RGS7: variants seen among roughly 807,000 people sequenced by gnomAD.
RGS7 encodes regulator of G-protein signaling 7.
Under a neutral mutation model 81.1 loss-of-function variants are expected in RGS7, and 27 were observed. That is an observed-to-expected ratio of 0.33 (90% confidence interval 0.25 to 0.46). The LOEUF is 0.46. RGS7 is among the 20% of genes least tolerant of loss of function. The pLI, the probability that RGS7 is intolerant of heterozygous loss-of-function variation, is 1.00. For synonymous variants in RGS7, 208 were observed against 207.7 expected (o/e 1.00, Z -0.01); for missense variants, 396 against 607.4 (o/e 0.65, Z 3.66).
chr1:241,108,046 G>T (rs1035284071), intron 2 of RGS7, among the ~76,000 whole-genome samples: 5 of 152,140 alleles, frequency 3.3e-5, no homozygotes, highest in Admixed American at 2.6e-4. Flanking sequence ...TGTAATCCCA[G>T]CACTTTGGGA....
At chr1:240,849,869 GC>G (rs1356805894) in intron 9 of RGS7, among the ~76,000 whole-genome samples, 1 of 152,138 alleles carries the variant, frequency 6.6e-6, no homozygotes, top group Non-Finnish European at 1.5e-5. Context: ...TTCCTTTATA[GC>G]AATGCAAGAA....
intron 2 of RGS7, among the ~76,000 whole-genome samples, chr1:241,129,171 A>C (rs915947475): frequency 1.8e-4 from 28 of 151,868 alleles, no homozygotes; most frequent in African/African-American, 6.8e-4. Flanking sequence ...TAACACTGAA[A>C]TTCACCATAA....
chr1:241,029,491 C>A (rs1170729063), intron 3 of RGS7, among the ~76,000 whole-genome samples: 1 of 152,138 alleles, frequency 6.6e-6, no homozygotes, highest in Non-Finnish European at 1.5e-5. Flanking sequence ...GCTAAAGAAC[C>A]TTTTGTTGCC....
intron 6 of RGS7, 71 bp from the exon 7 acceptor site, chr1:240,870,190 A>G: frequency 6.7e-6 from 9 of 1,340,604 alleles, no homozygotes; most frequent in Non-Finnish European, 2.1e-6. Flanking sequence ...GTACAACATT[A>G]CAAATCAAGG....
chr1:240,878,485 C>CTTTTTTTT (rs1558400005), intron 6 of RGS7, among the ~76,000 whole-genome samples: 3 of 90,370 alleles, frequency 3.3e-5, no homozygotes, highest in East Asian at 3.8e-4. Context: ...TTTCTTTTTT[C>CTTTTTTTT]TTTCTTTTTT....
intron 2 of RGS7, among the ~76,000 whole-genome samples, chr1:241,160,107 T>A: frequency 1.2e-5 from 1 of 82,072 alleles, no homozygotes; most frequent in Admixed American, 1.7e-4. Flanking sequence ...CGAGACTCCA[T>A]CTCAAAAAAA....
At chr1:241,207,226 C>T (rs963320287) in intron 2 of RGS7, among the ~76,000 whole-genome samples, 2 of 149,876 alleles carry the variant, frequency 1.3e-5, no homozygotes, top group Non-Finnish European at 3.0e-5. Flanking sequence ...CTCGGCCTCC[C>T]AAAGTCTCTT....
chr1:240,952,610 A>G (rs1679746932), intron 4 of RGS7, among the ~76,000 whole-genome samples: 1 of 152,030 alleles, frequency 6.6e-6, no homozygotes, highest in East Asian at 1.9e-4. Flanking sequence ...AACAAATGCA[A>G]TGGAGAAAAT....
intron 2 of RGS7, among the ~76,000 whole-genome samples, chr1:241,313,848 C>T (rs73123969): frequency 0.015 from 2,258 of 152,226 alleles, 70 homozygotes; most frequent in African/African-American, 0.05. Context: ...GAAGTTGATT[C>T]CAACCCTCAT....
chr1:241,278,175 T>C (rs2078298188), intron 2 of RGS7, among the ~76,000 whole-genome samples: 1 of 152,224 alleles, frequency 6.6e-6, no homozygotes, highest in Non-Finnish European at 1.5e-5. Flanking sequence ...ACTTATTGCC[T>C]GAGCTTGATC....
chr1:241,175,053 C>G (rs1299232336), intron 2 of RGS7, among the ~76,000 whole-genome samples: 2 of 151,974 alleles, frequency 1.3e-5, no homozygotes, highest in Non-Finnish European at 2.9e-5. Flanking sequence ...CAGGCGCCCA[C>G]TACCATGCTT....
At chr1:240,955,551 CAAAAAAAAAAAAA>C (rs369155474) in intron 4 of RGS7, among the ~76,000 whole-genome samples, 6 of 140,274 alleles carry the variant, frequency 4.3e-5, no homozygotes, top group African/African-American at 1.4e-4. Context: ...GACTCTGTCT[CAAAAAAAAAAAAA>C]AAAAAAAAAA....
intron 3 of RGS7, among the ~76,000 whole-genome samples, chr1:241,086,664 G>A (rs2492999): frequency 0.026 from 4,012 of 151,668 alleles, 180 homozygotes; most frequent in African/African-American, 0.092. Context: ...AACAAATACT[G>A]CTATTTCCCT....
At chr1:240,952,401 G>C (rs1679712340) in intron 4 of RGS7, among the ~76,000 whole-genome samples, 1 of 151,982 alleles carries the variant, frequency 6.6e-6, no homozygotes. Flanking sequence ...TACCTTCATG[G>C]TATATGAAAC....
chr1:241,064,992 A>G (rs1211105144), intron 3 of RGS7, among the ~76,000 whole-genome samples: 1 of 152,118 alleles, frequency 6.6e-6, no homozygotes, highest in Non-Finnish European at 1.5e-5. Flanking sequence ...AGTCACACCT[A>G]TGAGACTCTT....
At chr1:241,019,364 T>A (rs960250790) in intron 3 of RGS7, among the ~76,000 whole-genome samples, 11 of 152,148 alleles carry the variant, frequency 7.2e-5, no homozygotes, top group Non-Finnish European at 1.3e-4. Flanking sequence ...TTATTTATTT[T>A]TTTAAATTAT....
intron 18 of RGS7, among the ~76,000 whole-genome samples, chr1:240,778,153 G>A (rs1414831585): frequency 6.7e-6 from 1 of 149,568 alleles, no homozygotes; most frequent in Non-Finnish European, 1.5e-5. Flanking sequence ...TCACCTTCAT[G>A]ATCTAATGAC....
chr1:241,033,830 A>C (rs1426501215), intron 3 of RGS7, among the ~76,000 whole-genome samples: 1 of 152,164 alleles, frequency 6.6e-6, no homozygotes, highest in Non-Finnish European at 1.5e-5. Context: ...AATTGCTTGC[A>C]AGAAAGAAGG....
chr1:241,328,959 C>T (rs188945051), intron 2 of RGS7, among the ~76,000 whole-genome samples: 5 of 152,130 alleles, frequency 3.3e-5, no homozygotes, highest in South Asian at 2.1e-4. Context: ...TAGAAATCAA[C>T]AATAAATGTG....
Sources: gnomAD v4.1 joint callset for allele counts (sites outside exome capture counted in the v4.1 genomes callset) on GRCh38, gnomAD v4.1.1 for gene constraint, MANE v1.5 for transcripts, NCBI Gene and HGNC (gene_info 2026-07-23, HGNC 2026-07-21) for gene names.